Variants in XRN2 observed in about 807,000 individuals in gnomAD.
XRN2 encodes DHM1-like protein.
Under a neutral mutation model 138.5 loss-of-function variants are expected in XRN2, and 44 were observed. The observed-to-expected ratio is 0.32, with a 90% CI of 0.25 to 0.41. The LOEUF (loss-of-function observed/expected upper bound fraction) is 0.41. XRN2 is among the 10% of genes least tolerant of loss of function. The pLI is 1.00. For missense variants in XRN2, 937 were observed against 1,169.3 expected, an observed-to-expected ratio of 0.80 and a Z score of 2.90; for synonymous variants, 354 against 369.4, an observed-to-expected ratio of 0.96 and a Z score of 0.48.
rs2038557246 is a variant in XRN2 at position 21,354,877 on chromosome 20, G to T, written c.2020+5G>T. The T allele has an allele frequency of 1.2e-6, 2 of 1,610,552 alleles. No individual in the cohort carries two copies. The highest frequency in any genetic ancestry group is 3.3e-5 in the Admixed American group (2 of 59,840). ...CAGACCTCACTCCAGAAGAGAGTAA[G>T]AATTATACTTCTTAGTTAACATTGA... On this transcript the variant is annotated splice_donor_5th_base_variant and intron_variant, in intron 21 of 29. Transcript: ENST00000377191.
chr20:21,385,016 T>A (rs2038923244), intron 28 of XRN2, among the ~76,000 whole-genome samples: 1 of 152,206 alleles, frequency 6.6e-6, no homozygotes, highest in South Asian at 2.1e-4. Context: ...TAATTTTAAT[T>A]ATTGATGATT....
chr20:21,369,448 G>A (rs1399182893), intron 27 of XRN2, among the ~76,000 whole-genome samples: 6 of 152,074 alleles, frequency 3.9e-5, no homozygotes, highest in Non-Finnish European at 2.9e-5. Context: ...GGGATTGCTG[G>A]ATCATATGGT....
In XRN2 at chr20:21,381,994, A is replaced by C. The variant is rs1252466847; in HGVS notation, c.2585A>C (p.Asn862Thr). Residue 862 changes from asparagine to threonine, a missense_variant and splice_region_variant, in exon 28 of 30, where the codon AAT becomes ACT. By Grantham distance (65) the Asn-to-Thr change is moderately conservative (BLOSUM62 0). Transcript: ENST00000377191. Reference protein sequence around the residue: ...GQAQIPKLMSNMRPQDSWRGP... With the variant: ...GQAQIPKLMSTMRPQDSWRGP... ...TAACCCTTTCCTGTTTCTTTTTCAG[A>C]TATGAGGCCCCAGGATTCCTGGCGA... is the stretch of plus-strand genomic sequence containing the variant. 6.2e-7 allele frequency: 1 copy of C among 1,607,548 alleles called. No homozygotes were observed. Among genetic ancestry groups the C allele is most frequent in the South Asian group, 1.1e-5 (1 of 89,880 alleles).
Position 21,334,067 on chromosome 20 carries a change from AT to A in XRN2, c.1126-10del. The A allele has an allele frequency of 6.2e-7, 1 of 1,613,938 alleles. No individual in the cohort carries two copies. The highest frequency in any genetic ancestry group is 8.5e-7 in the Non-Finnish European group (1 of 1,179,904). On this transcript the variant is annotated splice_polypyrimidine_tract_variant and intron_variant, in intron 12 of 29. Transcript: ENST00000377191. ...AAGAAGATCATTTTACATATATTTT[AT>A]CACTTACAGGGTTACCTTACAGAAA...
Position 21,365,723 on chromosome 20 carries a change from G to A in XRN2, c.2456+19G>A, listed in dbSNP as rs1430184509. 10 of 1,586,936 alleles carry A rather than the reference G, an allele frequency of 6.3e-6. No homozygotes were observed. Among genetic ancestry groups the A allele is most frequent in the Middle Eastern group, 1.7e-4 (1 of 5,926 alleles). On this transcript the variant is annotated intron_variant, in intron 26 of 29. Transcript: ENST00000377191. ...CTTTGGGGTGAGTTGTCAGTTTTTAGCCCTTGTATATTTTGCTTTTTCTGA... is the reference window on the plus strand; with the variant it reads ...CTTTGGGGTGAGTTGTCAGTTTTTAACCCTTGTATATTTTGCTTTTTCTGA...
intron 27 of XRN2, among the ~76,000 whole-genome samples, chr20:21,371,911 A>T (rs2038767257): frequency 6.6e-6 from 1 of 152,200 alleles, no homozygotes; most frequent in African/African-American, 2.4e-5. Context: ...TGTGTATTTT[A>T]TTTCAAATAA....
intron 8 of XRN2, 144 bp from the exon 9 acceptor site, chr20:21,332,139 C>A: frequency 1.0e-6 from 1 of 1,002,590 alleles, no homozygotes; most frequent in Non-Finnish European, 1.4e-6. Context: ...TGGGAAATGC[C>A]AGGAAGTGTC....
intron 1 of XRN2, among the ~76,000 whole-genome samples, chr20:21,309,308 C>T (rs1291943598): frequency 1.3e-5 from 2 of 152,158 alleles, no homozygotes; most frequent in African/African-American, 4.8e-5. Context: ...AGGCTTTAAG[C>T]TGCAAATTAA....
At chr20:21,324,832 A>C (rs2038101869) in intron 1 of XRN2, among the ~76,000 whole-genome samples, 1 of 152,192 alleles carries the variant, frequency 6.6e-6, no homozygotes, top group Non-Finnish European at 1.5e-5. Context: ...TTATTGAGAT[A>C]TAATTTGTGT....
At chr20:21,332,730 C>T (rs538132630) in intron 9 of XRN2, among the ~76,000 whole-genome samples, 1 of 152,098 alleles carries the variant, frequency 6.6e-6, no homozygotes, top group Non-Finnish European at 1.5e-5. Context: ...TAAAATAAAC[C>T]TGCATTCAAA....
rs35050238 is a variant in XRN2, at chr20:21,365,603, C to G, written c.2355C>G (p.Asp785Glu). 5 of 1,613,074 alleles carry G rather than the reference C, an allele frequency of 3.1e-6. No homozygotes were observed. The highest frequency in any genetic ancestry group is 4.2e-6 in the Non-Finnish European group (5 of 1,179,916). The change falls in exon 26 of 30, where the codon GAC (aspartate) becomes GAG (glutamate). Residue 785 changes from aspartate to glutamate, a missense_variant. Asp to Glu is a conservative substitution (Grantham distance 45). Around this residue, in one of 6 missense-constraint regions of XRN2, gnomAD observed 372 missense variants for 414.4 expected, o/e 0.90. Coordinates refer to ENST00000377191, the MANE Select transcript of XRN2 (RefSeq NM_012255.5). Reference protein sequence around the residue: ...RKPAAVLKPSDWEKSSNGRQW... With the variant: ...RKPAAVLKPSEWEKSSNGRQW... Reference sequence around the variant, plus strand: ...CAGCAGCAGTACTGAAACCTAGTGACTGGGAAAAATCCAGCAATGGACGGC... The same window carrying G: ...CAGCAGCAGTACTGAAACCTAGTGAGTGGGAAAAATCCAGCAATGGACGGC...
intron 27 of XRN2, among the ~76,000 whole-genome samples, chr20:21,370,953 G>C (rs2038755112): frequency 1.3e-5 from 2 of 152,138 alleles, no homozygotes; most frequent in South Asian, 4.1e-4. Context: ...GGGCAGCATG[G>C]GGGAGAAGAA....
rs774903563 is a variant in XRN2 at position 21,381,931 on chromosome 20, T to C, written c.2585-63T>C. On this transcript the variant is annotated intron_variant, in intron 27 of 29. Transcript: ENST00000377191. ...TTCAAGAACTTTTAATTATAAAATA[T>C]TGGGTAGTTGAATATTGGTTACTTT... is the stretch of plus-strand genomic sequence containing the variant. 3.0e-6 allele frequency: 4 copies of C among 1,350,890 alleles called. No homozygotes were observed. The African/African-American group carries it at 4.4e-5, about 15-fold the overall frequency. 83.7% of individuals were successfully genotyped at this position (1,350,890 alleles called of 1,614,324 possible). A position where few individuals can be genotyped will look rare whatever the true frequency, so the allele number is the denominator to read the frequency against.
In XRN2 at chr20:21,368,523, G is replaced by A; in HGVS notation, c.2517G>A (p.Val839=). The stretch of plus-strand genomic sequence containing the variant: ...ACAGCAATGCTGCACCACCACCTGT[G>A]ACTTACCAGGGAAACTTATACAGGC... ...GIYSNAAPPP[V]TYQGNLYRPL... The change falls in exon 27 of 30, where the codon GTG becomes GTA. Residue 839 remains valine, a synonymous_variant. Coordinates refer to ENST00000377191, the MANE Select transcript of XRN2 (RefSeq NM_012255.5). The A allele has an allele frequency of 3.1e-6, 5 of 1,614,032 alleles. No individual in the cohort carries two copies. The highest frequency in any genetic ancestry group is 4.2e-6 in the Non-Finnish European group (5 of 1,179,958).
At position 21,357,780 on chromosome 20, in the gene XRN2, A is replaced by G; in HGVS notation, c.2243A>G (p.Asn748Ser). 1 of 1,599,820 alleles carries G rather than the reference A, an allele frequency of 6.3e-7. No homozygotes were observed. Among genetic ancestry groups the G allele is most frequent in the Non-Finnish European group, 8.5e-7 (1 of 1,173,556 alleles). The change falls in exon 24 of 30, where the codon AAC becomes AGC. Residue 748 changes from asparagine to serine, a missense_variant. Transcript: ENST00000377191. ...PVPMLRDLTQ[N>S]TVVSINFKDP... ...CCTATGTTAAGGGATCTGACACAGA[A>G]CACTGTAGTCAGGTAAGTTTTCCAA...
chr20:21,305,438 A>T (rs967304801), intron 1 of XRN2, among the ~76,000 whole-genome samples: 1 of 150,408 alleles, frequency 6.6e-6, no homozygotes, highest in Admixed American at 6.7e-5. Context: ...TTTTTTTAGT[A>T]GAGACGGAGT....
chr20:21,329,856 GGTGTGTGTGTGTGT>G (rs60020864), intron 4 of XRN2, among the ~76,000 whole-genome samples: 29 of 146,008 alleles, frequency 2.0e-4, no homozygotes, highest in East Asian at 4.0e-4. Flanking sequence ...GCCTCTAACT[GGTGTGTGTGTGTGT>G]GTGTGTGTGT....
intron 14 of XRN2, among the ~76,000 whole-genome samples, chr20:21,339,322 AG>A (rs2038341630): frequency 6.6e-6 from 1 of 152,192 alleles, no homozygotes; most frequent in Non-Finnish European, 1.5e-5. Flanking sequence ...GGTGGCAGTT[AG>A]CTATTTGAAT....
chr20:21,365,922 T>C (rs1317235541), intron 26 of XRN2, among the ~76,000 whole-genome samples: 1 of 122,858 alleles, frequency 8.1e-6, no homozygotes, highest in Non-Finnish European at 1.6e-5. Context: ...TATAATATAA[T>C]ATATATATAA....
Sources: allele counts gnomAD v4.1 joint callset (sites outside exome capture counted in the v4.1 genomes callset), GRCh38; gene constraint gnomAD v4.1.1; regional missense constraint gnomAD v4.1.1; transcripts MANE v1.5; gene names NCBI Gene and HGNC (gene_info 2026-07-23, HGNC 2026-07-21).